Variants in POPDC3 observed in about 807,000 individuals in gnomAD.
POPDC3 encodes popeye domain-containing protein 3.
In POPDC3, 20 loss-of-function variants were observed where a neutral mutation model predicts 28.2. The ratio of observed to expected loss-of-function variants is 0.71; its 90% CI spans 0.50 to 1.03. POPDC3 has a LOEUF of 1.03. POPDC3 is among the 50% of genes least tolerant of loss of function. The pLI is 0.00. For missense variants in POPDC3, 316 were observed against 345.9 expected, an observed-to-expected ratio of 0.91 and a Z score of 0.69; for synonymous variants, 118 against 124.1, an observed-to-expected ratio of 0.95 and a Z score of 0.33.
intron 1 of POPDC3, among the ~76,000 whole-genome samples, chr6:105,173,189 T>C (rs142831973): frequency 9.2e-5 from 14 of 152,342 alleles, no homozygotes; most frequent in African/African-American, 3.4e-4. Flanking sequence ...TGGGTTTCCA[T>C]GCATTACCAA....
chr6:105,162,920 T>C (rs1204017361), intron 1 of POPDC3, among the ~76,000 whole-genome samples: 3 of 152,136 alleles, frequency 2.0e-5, no homozygotes, highest in Admixed American at 2.0e-4. Context: ...CTTTACACAT[T>C]AATTTGAGGC....
chr6:105,161,448 T>C lies in POPDC3; in HGVS notation c.462A>G (p.Lys154=), dbSNP rs1250463914. The change falls in exon 2 of 4, where the codon AAA becomes AAG. Residue 154 remains lysine, a synonymous_variant. Transcript: ENST00000254765. ...YAMQGKTSID[K]LSLLVSGRIR... ...ACCTTCCTGAAACAAGCAAGGAGAG[T>C]TTATCAATGGAAGTTTTCCCCTGCA... is the stretch of plus-strand genomic sequence containing the variant. The C allele has an allele frequency of 1.2e-6, 2 of 1,609,482 alleles. No homozygotes were observed. Among genetic ancestry groups the C allele is most frequent in the East Asian group, 2.2e-5 (1 of 44,658 alleles).
Position 105,179,264 on chromosome 6 carries a change from G to A in POPDC3, c.-252+569C>T, listed in dbSNP as rs150255982. The A allele has an allele frequency of 1.1e-4, 108 of 985,316 alleles. 1 individual carries two copies. In the African/African-American group the frequency reaches 1.8e-3, roughly 17 times the overall value. 61.0% of individuals were successfully genotyped at this position (985,316 alleles called of 1,614,324 possible). A position where few individuals can be genotyped will look rare whatever the true frequency, so the allele number is the denominator to read the frequency against. ...GGTCCGCGCGACCTTTGATGAGGCA[G>A]CTTTTTTGTACCCCCAACTCTGTGA... On this transcript the variant is annotated intron_variant, in intron 1 of 3. Transcript: ENST00000254765.
chr6:105,163,703 GT>G (rs887403090), intron 1 of POPDC3: 31 of 151,912 alleles, frequency 2.0e-4, no homozygotes, highest in African/African-American at 7.5e-4. Flanking sequence ...TGTTGTTGAA[GT>G]TCCTGATTTT....
rs752655413 is a variant in POPDC3 at position 105,161,493 on chromosome 6, T to C, written c.417A>G (p.Glu139=). 1.2e-6 allele frequency: 2 copies of C among 1,614,188 alleles called. No homozygotes were observed. The highest frequency in any genetic ancestry group is 1.7e-6 in the Non-Finnish European group (2 of 1,180,040). ...CCTGCATGGCATAACAGTGTTCCTT[T>C]TCCAAAGTAACCACTTCAGAGCTCA... ...IALSSEVVTL[E]KEHCYAMQGK... is the part of the protein sequence containing the mutation. The change falls in exon 2 of 4, where the codon GAA becomes GAG. Residue 139 remains glutamate, a synonymous_variant. Coordinates refer to ENST00000254765, the MANE Select transcript of POPDC3 (RefSeq NM_022361.5).
intron 1 of POPDC3, among the ~76,000 whole-genome samples, chr6:105,168,119 C>T (rs1190295): frequency 0.71 from 108,738 of 152,174 alleles, 42,477 homozygotes; most frequent in East Asian, 0.87. Flanking sequence ...TCAGATGTTA[C>T]CCAAAGCATA....
intron 1 of POPDC3, chr6:105,169,385 TAGTC>T (rs912077742): frequency 9.2e-5 from 14 of 152,276 alleles, no homozygotes; most frequent in Non-Finnish European, 2.1e-4. Flanking sequence ...TTTCCTTTCA[TAGTC>T]AGGTAGTCAC....
At chr6:105,160,174 A>G (rs1310600259) in intron 2 of POPDC3, 1 of 160,772 alleles carries the variant, frequency 6.2e-6, no homozygotes, top group Non-Finnish European at 1.4e-5. Context: ...ATTTAAGAAC[A>G]TAGAGGAGTT....
chr6:105,172,803 G>A (rs868594136), intron 1 of POPDC3, among the ~76,000 whole-genome samples: 4 of 147,006 alleles, frequency 2.7e-5, no homozygotes, highest in Non-Finnish European at 4.5e-5. Flanking sequence ...ACCAAACACC[G>A]CATGTTCTCA....
intron 1 of POPDC3, among the ~76,000 whole-genome samples, chr6:105,168,488 T>C (rs1206031923): frequency 6.6e-6 from 1 of 152,212 alleles, no homozygotes; most frequent in Non-Finnish European, 1.5e-5. Context: ...TCTGTTCTCA[T>C]GTTTCAGCTA....
Position 105,161,860 on chromosome 6 carries a change from A to G in POPDC3, c.50T>C (p.Val17Ala). 1 of 1,613,036 alleles carries G rather than the reference A, an allele frequency of 6.2e-7. No homozygotes were observed. The highest frequency in any genetic ancestry group is 8.5e-7 in the Non-Finnish European group (1 of 1,179,698). ...LWKNLIDEHP[V>A]CTTWKQEAEG... ...GGCCTCTTGCTTCCAGGTTGTGCAG[A>G]CTGGGTGTTCATCTATTAGGTTCTT... is the stretch of plus-strand genomic sequence containing the variant. Residue 17 changes from valine (V) to alanine (A), a missense_variant, in exon 2 of 4, where the codon GTC (valine) becomes GCC (alanine). By Grantham distance (64) the Val-to-Ala change is moderately conservative. Transcript: ENST00000254765.
In POPDC3 at chr6:105,158,263, A is replaced by G; in HGVS notation, c.*207T>C. 3.9e-6 allele frequency: 2 copies of G among 513,166 alleles called. No individual in the cohort carries two copies. Among genetic ancestry groups the G allele is most frequent in the Non-Finnish European group, 6.8e-6 (2 of 294,098 alleles). The allele number at this position is 513,166 out of a possible 1,614,324, so 31.8% of individuals were successfully genotyped here. A position where few individuals can be genotyped will look rare whatever the true frequency, so the allele number is the denominator to read the frequency against. On this transcript the variant is annotated 3_prime_UTR_variant, in exon 4 of 4. Coordinates refer to ENST00000254765, the MANE Select transcript of POPDC3 (RefSeq NM_022361.5). ...CCCATAGTTATCCACCCCCTCCCCAATTATAACAATGAGAAATACAAGAAA... is the reference window on the plus strand; with the variant it reads ...CCCATAGTTATCCACCCCCTCCCCAGTTATAACAATGAGAAATACAAGAAA...
At chr6:105,164,521 T>C (rs549175307) in intron 1 of POPDC3, among the ~76,000 whole-genome samples, 2 of 152,346 alleles carry the variant, frequency 1.3e-5, no homozygotes, top group African/African-American at 4.8e-5. Context: ...CTTCTTCACT[T>C]GTGTTTTTAT....
At chr6:105,171,332 A>G (rs1053852330) in intron 1 of POPDC3, among the ~76,000 whole-genome samples, 2 of 152,178 alleles carry the variant, frequency 1.3e-5, no homozygotes, top group Admixed American at 1.3e-4. Flanking sequence ...TAACTGTATC[A>G]TTAGCTCTCA....
chr6:105,172,362 A>G (rs565912355), intron 1 of POPDC3, among the ~76,000 whole-genome samples: 2 of 151,456 alleles, frequency 1.3e-5, no homozygotes, highest in South Asian at 2.1e-4. Flanking sequence ...TAGAATGGCA[A>G]TCATTAAAAA....
intron 1 of POPDC3, among the ~76,000 whole-genome samples, chr6:105,164,356 A>G (rs1774414774): frequency 6.6e-6 from 1 of 152,202 alleles, no homozygotes; most frequent in Non-Finnish European, 1.5e-5. Context: ...TTCCAGGGTC[A>G]TGACCCATTA....
At chr6:105,170,242 G>C (rs1774549292) in intron 1 of POPDC3, among the ~76,000 whole-genome samples, 1 of 152,162 alleles carries the variant, frequency 6.6e-6, no homozygotes, top group African/African-American at 2.4e-5. Flanking sequence ...CTTTTGATGA[G>C]CTGCTATGAC....
chr6:105,159,630 GTTGT>G (rs1013004644), intron 3 of POPDC3, 77 bp downstream of exon 3: 18 of 782,598 alleles, frequency 2.3e-5, no homozygotes, highest in South Asian at 6.6e-5. Flanking sequence ...CTTATCCACT[GTTGT>G]TTATTTGTTT....
chr6:105,170,118 C>G lies in POPDC3; in HGVS notation c.-251-7958G>C, dbSNP rs147586814. ...ATTTTAAGAAGCAGCAGTAAAGTCT[C>G]TACTTCTCAAGCTTGCCATTAGATG... On this transcript the variant is annotated intron_variant, in intron 1 of 3. Transcript: ENST00000254765. Among the ~76,000 whole-genome samples, 6 of 152,298 alleles carry G rather than the reference C, an allele frequency of 3.9e-5. 1 individual carries two copies. Among genetic ancestry groups the G allele is most frequent in the African/African-American group, 1.4e-4 (6 of 41,558 alleles).
Sources: allele counts gnomAD v4.1 joint callset (sites outside exome capture counted in the v4.1 genomes callset), GRCh38; gene constraint gnomAD v4.1.1; transcripts MANE v1.5; gene names NCBI Gene and HGNC (gene_info 2026-07-23, HGNC 2026-07-21).